The following TRPC7 variants were observed in gnomAD, a reference collection of about 807,000 sequenced individuals.
The protein encoded by TRPC7 is short transient receptor potential channel 7.
A neutral mutation model predicts 90.1 loss-of-function variants in TRPC7; 42 were observed. The ratio of observed to expected loss-of-function variants is 0.47; its 90% confidence interval spans 0.36 to 0.60. The LOEUF (loss-of-function observed/expected upper bound fraction) is 0.60, where lower values mean the gene tolerates loss of function less well. Ranked by LOEUF, TRPC7 falls within the 20% of genes least tolerant of loss-of-function variation. TRPC7 has a pLI of 0.00. For synonymous variants in TRPC7, 451 were observed against 436.3 expected (o/e 1.03, Z -0.42); for missense variants, 955 against 1,112.3 (o/e 0.86, Z 2.01).
Position 136,269,455 on chromosome 5 carries a change from C to T in TRPC7, c.1129-3019G>A, listed in dbSNP as rs1003820178. ...CTCTTAGCCCCCACAAGTGTAAGCA[C>T]CTAAGCGGTACCTGGATGTGTGAGT... On this transcript the variant is annotated intron_variant, in intron 4 of 11. Coordinates refer to ENST00000513104, the MANE Select transcript of TRPC7 (RefSeq NM_020389.3). 2.6e-5 allele frequency among the ~76,000 whole-genome samples: 4 copies of T among 152,344 alleles called. No individual in the cohort carries two copies. In the East Asian group the frequency reaches 7.7e-4, roughly 29 times the overall value.
intron 5 of TRPC7, among the ~76,000 whole-genome samples, chr5:136,253,308 A>C (rs952267610): frequency 6.6e-6 from 1 of 152,092 alleles, no homozygotes; most frequent in African/African-American, 2.4e-5. Flanking sequence ...CTAAATTATT[A>C]CTATTTAAAT....
At chr5:136,217,593 G>C (rs893940611) in intron 10 of TRPC7, among the ~76,000 whole-genome samples, 1 of 152,224 alleles carries the variant, frequency 6.6e-6, no homozygotes, top group Non-Finnish European at 1.5e-5. Context: ...AGAGTTAATT[G>C]GCAGTTGCCT....
intron 3 of TRPC7, among the ~76,000 whole-genome samples, chr5:136,313,017 A>G (rs1267998044): frequency 9.6e-6 from 1 of 103,758 alleles, no homozygotes; most frequent in Non-Finnish European, 1.8e-5. Flanking sequence ...GGGTCTTGCT[A>G]TGTCCCCCAG....
chr5:136,299,212 A>C (rs1364234707), intron 3 of TRPC7, among the ~76,000 whole-genome samples: 1 of 151,710 alleles, frequency 6.6e-6, no homozygotes, highest in African/African-American at 2.4e-5. Flanking sequence ...GAGGCAGGAG[A>C]ATAACTTGAA....
chr5:136,261,186 G>A (rs978060611), intron 5 of TRPC7, among the ~76,000 whole-genome samples: 6 of 152,064 alleles, frequency 3.9e-5, no homozygotes, highest in Admixed American at 2.6e-4. Flanking sequence ...CTATCTCTCA[G>A]TTATTACTAT....
At position 136,247,880 on chromosome 5, in the gene TRPC7, C is replaced by A; in HGVS notation, c.1580-145G>T. On this transcript the variant is annotated intron_variant, in intron 6 of 11. Transcript: ENST00000513104. This position sits in a 1 kb window ranked among gnomAD's most constrained non-coding sequence, Gnocchi z 4.2. ...AATTAATCCCAATATCCAGAAGTTGCCACCCTCCCTCTTGGAATGTGCTGG... is the reference window on the plus strand; with the variant it reads ...AATTAATCCCAATATCCAGAAGTTGACACCCTCCCTCTTGGAATGTGCTGG... 1 of 986,126 alleles carries A rather than the reference C, an allele frequency of 1.0e-6. No homozygotes were observed. The highest frequency in any genetic ancestry group is 2.6e-5 in the East Asian group (1 of 39,038). 61.1% of individuals were successfully genotyped at this position (986,126 alleles called of 1,614,324 possible).
chr5:136,290,773 T>C lies in TRPC7; in HGVS notation c.964-15936A>G, dbSNP rs1398278687. The stretch of plus-strand genomic sequence containing the variant: ...CTAGCAAGGCAGGCCAACATTCAAA[T>C]TCAGGAAATAAAGAGAATGCCACAA... On this transcript the variant is annotated intron_variant, in intron 3 of 11. Transcript: ENST00000513104. Among the ~76,000 whole-genome samples, 4 of 152,000 alleles carry C rather than the reference T, an allele frequency of 2.6e-5. No homozygotes were observed. In the South Asian group the frequency reaches 6.2e-4, roughly 24 times the overall value.
intron 3 of TRPC7, among the ~76,000 whole-genome samples, chr5:136,300,699 C>T (rs1391581508): frequency 6.6e-6 from 1 of 152,194 alleles, no homozygotes; most frequent in Non-Finnish European, 1.5e-5. Flanking sequence ...GAGATGATAG[C>T]CCTAAACTCT....
intron 10 of TRPC7, among the ~76,000 whole-genome samples, chr5:136,224,377 C>A (rs531504482): frequency 6.6e-6 from 1 of 152,270 alleles, no homozygotes; most frequent in East Asian, 1.9e-4. Context: ...CATAAAAGTT[C>A]TTTTTCTAAT....
At chr5:136,284,281 C>A (rs1463219382) in intron 3 of TRPC7, among the ~76,000 whole-genome samples, 5 of 152,200 alleles carry the variant, frequency 3.3e-5, no homozygotes, top group Admixed American at 1.3e-4. Flanking sequence ...GGGCCAACCC[C>A]CACACCATGA....
At chr5:136,346,911 G>A (rs753167050) in intron 2 of TRPC7, among the ~76,000 whole-genome samples, 1 of 152,248 alleles carries the variant, frequency 6.6e-6, no homozygotes, top group African/African-American at 2.4e-5. Context: ...ATTTGCTGGC[G>A]TAACTAGTTA....
At chr5:136,342,515 G>C (rs1759876461) in intron 2 of TRPC7, among the ~76,000 whole-genome samples, 1 of 152,174 alleles carries the variant, frequency 6.6e-6, no homozygotes, top group Non-Finnish European at 1.5e-5. Flanking sequence ...GCCATCATCT[G>C]TCTCTCCCTA....
intron 7 of TRPC7, among the ~76,000 whole-genome samples, chr5:136,237,676 A>G (rs1364954784): frequency 6.6e-6 from 1 of 152,204 alleles, no homozygotes; most frequent in Non-Finnish European, 1.5e-5. Flanking sequence ...TCTCCACTTC[A>G]TAGAATTGTT....
At position 136,251,885 on chromosome 5, in the gene TRPC7, G is replaced by A; in HGVS notation, c.1346-3C>T. 1 of 1,611,846 alleles carries A rather than the reference G, an allele frequency of 6.2e-7. No homozygotes were observed. The highest frequency in any genetic ancestry group is 8.5e-7 in the Non-Finnish European group (1 of 1,178,046). On this transcript the variant is annotated splice_region_variant and splice_polypyrimidine_tract_variant and intron_variant, in intron 5 of 11. Transcript: ENST00000513104. ...CTTGCATTCGGACCAAATCATTCCT[G>A]TGGGAGAAGGAGAAGGCCAGGCTCA... is the stretch of plus-strand genomic sequence containing the variant.
At chr5:136,283,754 T>C (rs576295070) in intron 3 of TRPC7, among the ~76,000 whole-genome samples, 144 of 152,320 alleles carry the variant, frequency 9.5e-4, no homozygotes, top group African/African-American at 3.4e-3. Context: ...CTGGGAATTT[T>C]CAACCTTATT....
chr5:136,265,261 A>G (rs1756985436), intron 5 of TRPC7, among the ~76,000 whole-genome samples: 1 of 152,236 alleles, frequency 6.6e-6, no homozygotes, highest in South Asian at 2.1e-4. Flanking sequence ...GGTGAATACC[A>G]TTAAGCCAAT....
rs150652458 is a variant in TRPC7, at chr5:136,313,731, T to G, written c.963+1866A>C. On this transcript the variant is annotated intron_variant, in intron 3 of 11. Transcript: ENST00000513104. ...GACATTTTATGCAGGTCATTTATCA[T>G]CTTCCTACCTATGGATTACAGCAGA... is the stretch of plus-strand genomic sequence containing the variant. Among the ~76,000 whole-genome samples the G allele has an allele frequency of 3.2e-3, 493 of 152,288 alleles. 3 individuals are homozygous for G. The highest frequency in any genetic ancestry group is 0.011 in the African/African-American group (473 of 41,550).
At chr5:136,248,290 C>T (rs572993126) in intron 6 of TRPC7, among the ~76,000 whole-genome samples, 3 of 152,320 alleles carry the variant, frequency 2.0e-5, no homozygotes, top group Admixed American at 1.3e-4. Context: ...AACTAACTAA[C>T]CTTTTGAGCT....
At chr5:136,360,698 C>A (rs1760543570) in intron 1 of TRPC7, among the ~76,000 whole-genome samples, 1 of 152,252 alleles carries the variant, frequency 6.6e-6, no homozygotes, top group Non-Finnish European at 1.5e-5. Flanking sequence ...AAAATGAAAT[C>A]TTATGAGCCT....
Sources: allele counts gnomAD v4.1 joint callset (sites outside exome capture counted in the v4.1 genomes callset), GRCh38; gene constraint gnomAD v4.1.1; non-coding constraint Gnocchi (gnomAD v3.1); transcripts MANE v1.5; gene names NCBI Gene and HGNC (gene_info 2026-07-23, HGNC 2026-07-21).